ZEB1: variants seen among roughly 807,000 people sequenced by gnomAD.
The protein encoded by ZEB1 is zinc finger E-box-binding homeobox 1.
ZEB1 carries 21 observed loss-of-function variants against 84.9 expected under a neutral mutation model. That is an observed-to-expected ratio of 0.25 (90% CI 0.18 to 0.36). ZEB1 has a LOEUF of 0.36. Ranked by LOEUF, ZEB1 falls within the 10% of genes least tolerant of loss-of-function variation. ZEB1 has a pLI of 1.00. For synonymous variants in ZEB1, 420 were observed against 471.1 expected, an observed-to-expected ratio of 0.89 and a Z score of 1.41; for missense variants, 1,104 against 1,330.2, an observed-to-expected ratio of 0.83 and a Z score of 2.65.
At chr10:31,422,705 T>C (rs2056369317) in intron 1 of ZEB1, among the ~76,000 whole-genome samples, 2 of 152,104 alleles carry the variant, frequency 1.3e-5, no homozygotes, top group South Asian at 4.1e-4. Context: ...GGGGTACATG[T>C]GTAGGTTTGC....
chr10:31,412,935 T>C (rs1384661977), intron 1 of ZEB1, among the ~76,000 whole-genome samples: 2 of 152,192 alleles, frequency 1.3e-5, no homozygotes, highest in African/African-American at 2.4e-5. Flanking sequence ...GCCAGCTGAC[T>C]TACCCTGCAA....
chr10:31,442,426 G>A (rs542942005), intron 1 of ZEB1, among the ~76,000 whole-genome samples: 1 of 151,974 alleles, frequency 6.6e-6, no homozygotes, highest in African/African-American at 2.4e-5. Context: ...GGGTAGGGGG[G>A]AGGGATAGCG....
intron 2 of ZEB1, among the ~76,000 whole-genome samples, chr10:31,474,151 C>G (rs560400479): frequency 1.3e-5 from 2 of 152,216 alleles, no homozygotes; most frequent in South Asian, 4.2e-4. Flanking sequence ...TAGGCACGGG[C>G]AAGGACTTCA....
chr10:31,449,716 C>A (rs1463179199), intron 1 of ZEB1, among the ~76,000 whole-genome samples: 4 of 152,060 alleles, frequency 2.6e-5, no homozygotes, highest in Non-Finnish European at 4.4e-5. Context: ...AGTTTACTCT[C>A]TGGTATATCT....
At chr10:31,470,085 A>G (rs2063007041) in intron 2 of ZEB1, among the ~76,000 whole-genome samples, 1 of 152,142 alleles carries the variant, frequency 6.6e-6, no homozygotes, top group Admixed American at 6.5e-5. Flanking sequence ...TCAAAGACCA[A>G]AAGTAGATAA....
In ZEB1 at chr10:31,459,465, A is replaced by G. The variant is rs565089226; in HGVS notation, c.59-1572A>G. On this transcript the variant is annotated intron_variant, in intron 1 of 8. Transcript: ENST00000424869. Reference sequence around the variant, plus strand: ...AAAATTTGCCATTATTTTTATCTTTATGGAGTGGATTGAGGAAGGAAAAAT... The same window carrying G: ...AAAATTTGCCATTATTTTTATCTTTGTGGAGTGGATTGAGGAAGGAAAAAT... 3.3e-5 allele frequency among the ~76,000 whole-genome samples: 5 copies of G among 152,162 alleles called. No homozygotes were observed. In the East Asian group the frequency reaches 9.6e-4, roughly 29 times the overall value.
At chr10:31,517,653 G>A (rs2071411394) in intron 6 of ZEB1, among the ~76,000 whole-genome samples, 1 of 152,020 alleles carries the variant, frequency 6.6e-6, no homozygotes, top group Non-Finnish European at 1.5e-5. Flanking sequence ...TATGAAGCTA[G>A]AAACAAGGAG....
chr10:31,355,179 A>G (rs1190842111), intron 1 of ZEB1: 1 of 152,152 alleles, frequency 6.6e-6, no homozygotes, highest in Non-Finnish European at 1.5e-5. Context: ...GCATTGGATA[A>G]TATTCTTATT....
Position 31,376,976 on chromosome 10 carries a change from A to G in ZEB1, c.58+57684A>G, listed in dbSNP as rs185238523. ...CTTTTATTATTACTGCTAAACAAAA[A>G]AAAAGTCCGTGAAATTCTCATCTAA... On this transcript the variant is annotated intron_variant, in intron 1 of 8. Coordinates refer to ENST00000424869, the MANE Select transcript of ZEB1 (RefSeq NM_001174096.2). Among the ~76,000 whole-genome samples the G allele has an allele frequency of 3.5e-3, 532 of 151,814 alleles. 3 individuals carry two copies. Among genetic ancestry groups the G allele is most frequent in the African/African-American group, 0.012 (505 of 41,520 alleles).
chr10:31,514,559 A>T (rs751620910), intron 5 of ZEB1, 44 bp from the exon 6 acceptor site: 1 of 1,548,952 alleles, frequency 6.5e-7, no homozygotes, highest in East Asian at 2.3e-5. Flanking sequence ...TTTAGTCTAA[A>T]GATCTTTTGC....
chr10:31,449,952 G>A (rs187265196), intron 1 of ZEB1, among the ~76,000 whole-genome samples: 1 of 152,284 alleles, frequency 6.6e-6, no homozygotes, highest in East Asian at 1.9e-4. Context: ...TGAGACATTA[G>A]AAGAATATAT....
intron 1 of ZEB1, among the ~76,000 whole-genome samples, chr10:31,401,281 T>G (rs1255899806): frequency 6.6e-6 from 1 of 152,220 alleles, no homozygotes; most frequent in Non-Finnish European, 1.5e-5. Context: ...GTTAAATGGT[T>G]AAGAAATACA....
intron 5 of ZEB1, among the ~76,000 whole-genome samples, chr10:31,512,245 A>C (rs756227636): frequency 1.3e-5 from 2 of 152,164 alleles, no homozygotes; most frequent in Non-Finnish European, 2.9e-5. Flanking sequence ...CCTCTACTCC[A>C]AGGGCCATCG....
intron 1 of ZEB1, among the ~76,000 whole-genome samples, chr10:31,334,248 A>G (rs1043457714): frequency 6.6e-6 from 1 of 152,122 alleles, no homozygotes; most frequent in Non-Finnish European, 1.5e-5. Flanking sequence ...AGAAAAACTG[A>G]TCACATTCTG....
chr10:31,489,512 A>G (rs2066211709), intron 2 of ZEB1, among the ~76,000 whole-genome samples: 1 of 150,774 alleles, frequency 6.6e-6, no homozygotes, highest in South Asian at 2.1e-4. Context: ...TCATTTTATT[A>G]TTTGTTTTTT....
chr10:31,352,314 A>G (rs188563150), intron 1 of ZEB1, among the ~76,000 whole-genome samples: 1 of 152,286 alleles, frequency 6.6e-6, no homozygotes, highest in African/African-American at 2.4e-5. Context: ...TTTAAGCGTT[A>G]CTGTGATTTT....
At chr10:31,325,999 G>T in intron 1 of ZEB1, among the ~76,000 whole-genome samples, 1 of 143,348 alleles carries the variant, frequency 7.0e-6, no homozygotes. Context: ...AGATAGTGCT[G>T]AGTGTAACTA....
intron 6 of ZEB1, among the ~76,000 whole-genome samples, chr10:31,517,644 A>G (rs1278589232): frequency 1.3e-5 from 2 of 152,152 alleles, no homozygotes; most frequent in Admixed American, 6.6e-5. Flanking sequence ...CTGTAAAGCT[A>G]TGAAGCTAGA....
chr10:31,335,399 G>A (rs764783162), intron 1 of ZEB1, among the ~76,000 whole-genome samples: 1 of 152,028 alleles, frequency 6.6e-6, no homozygotes, highest in Non-Finnish European at 1.5e-5. Context: ...TTGATAAAGG[G>A]GAATTACTGT....
Sources: gnomAD v4.1 joint callset for allele counts (sites outside exome capture counted in the v4.1 genomes callset) on GRCh38, gnomAD v4.1.1 for gene constraint, MANE v1.5 for transcripts, NCBI Gene and HGNC (gene_info 2026-07-23, HGNC 2026-07-21) for gene names.